KAZN: variants seen among roughly 807,000 people sequenced by gnomAD.
The protein encoded by KAZN is kazrin, periplakin interacting protein, also known as kazrin.
In KAZN, 40 loss-of-function variants were observed where a neutral mutation model predicts 87.4. The ratio of observed to expected loss-of-function variants is 0.46; its 90% CI spans 0.36 to 0.60. The LOEUF is 0.60. Ranked by LOEUF, KAZN falls within the 20% of genes least tolerant of loss-of-function variation. The probability of loss-of-function intolerance (pLI) is 0.00; values close to 1 mark genes in which losing one functional copy is unlikely to be tolerated. For synonymous variants in KAZN, 466 were observed against 458.3 expected, an observed-to-expected ratio of 1.02 and a Z score of -0.22; for missense variants, 898 against 1,073.9, an observed-to-expected ratio of 0.84 and a Z score of 2.29.
At chr1:14,128,470 G>A (rs527427682) in intron 1 of KAZN, among the ~76,000 whole-genome samples, 1 of 152,146 alleles carries the variant, frequency 6.6e-6, no homozygotes, top group Non-Finnish European at 1.5e-5. Context: ...GCAGAGGGGT[G>A]GTTGCTCCTG....
intron 1 of KAZN, among the ~76,000 whole-genome samples, chr1:14,802,517 G>A (rs1312987347): frequency 6.6e-6 from 1 of 152,036 alleles, no homozygotes; most frequent in Non-Finnish European, 1.5e-5. Flanking sequence ...AGTGAGATCT[G>A]GTCAGTGGAG....
At chr1:14,612,408 A>T (rs1677894553) in intron 1 of KAZN, among the ~76,000 whole-genome samples, 1 of 152,218 alleles carries the variant, frequency 6.6e-6, no homozygotes, top group Admixed American at 6.5e-5. Context: ...GCAGGGCGGG[A>T]CACTTGACAT....
At chr1:14,680,925 G>T (rs1362607464) in intron 1 of KAZN, among the ~76,000 whole-genome samples, 1 of 152,208 alleles carries the variant, frequency 6.6e-6, no homozygotes, top group East Asian at 1.9e-4. Context: ...GAAGCATGGT[G>T]CTGGCGTGCT....
At chr1:15,080,594 G>A (rs1359296956) in intron 8 of KAZN, among the ~76,000 whole-genome samples, 2 of 152,218 alleles carry the variant, frequency 1.3e-5, no homozygotes, top group Non-Finnish European at 2.9e-5. Context: ...TGTGACTGAG[G>A]GATCAGCAAA....
At chr1:14,045,202 C>A (rs1642013950) in intron 1 of KAZN, among the ~76,000 whole-genome samples, 1 of 152,110 alleles carries the variant, frequency 6.6e-6, no homozygotes, top group Admixed American at 6.5e-5. Context: ...AAAATCAGGA[C>A]CCAAATGAAA....
chr1:14,034,744 T>C (rs919893657), intron 1 of KAZN, among the ~76,000 whole-genome samples: 4 of 152,212 alleles, frequency 2.6e-5, no homozygotes, highest in Non-Finnish European at 5.9e-5. Flanking sequence ...ACTTAGTGCC[T>C]GATCAGAATG....
At chr1:15,067,072 G>A (rs915537238) in intron 8 of KAZN, 8 of 985,648 alleles carry the variant, frequency 8.1e-6, no homozygotes, top group South Asian at 9.4e-5. Flanking sequence ...TCTGTTCTCC[G>A]AGGGGCCTCC....
intron 2 of KAZN, among the ~76,000 whole-genome samples, chr1:14,325,319 C>G (rs1330827342): frequency 6.6e-6 from 1 of 152,164 alleles, no homozygotes; most frequent in Non-Finnish European, 1.5e-5. Context: ...GTATTTGATG[C>G]TAACTTGAAA....
intron 1 of KAZN, among the ~76,000 whole-genome samples, chr1:14,704,073 T>A (rs577469341): frequency 6.6e-6 from 1 of 152,154 alleles, no homozygotes; most frequent in African/African-American, 2.4e-5. Flanking sequence ...AAGAAAGTAG[T>A]AGGCTATGAA....
chr1:14,746,625 G>A (rs557940286), intron 1 of KAZN, among the ~76,000 whole-genome samples: 6 of 152,222 alleles, frequency 3.9e-5, no homozygotes, highest in Admixed American at 3.3e-4. Flanking sequence ...CCAGGGAGAA[G>A]CTGGAGTTGG....
At chr1:14,891,045 C>T (rs1391086676) in intron 1 of KAZN, among the ~76,000 whole-genome samples, 1 of 150,224 alleles carries the variant, frequency 6.7e-6, no homozygotes, top group Non-Finnish European at 1.5e-5. Flanking sequence ...GGAGTTTCAC[C>T]GTGTTAGCCA....
chr1:14,302,588 G>A (rs1654629924), intron 2 of KAZN, among the ~76,000 whole-genome samples: 1 of 152,178 alleles, frequency 6.6e-6, no homozygotes, highest in African/African-American at 2.4e-5. Flanking sequence ...GAATGTGTTA[G>A]CTGATCATTT....
intron 2 of KAZN, among the ~76,000 whole-genome samples, chr1:14,227,792 C>T (rs1338309356): frequency 6.6e-6 from 1 of 152,210 alleles, no homozygotes; most frequent in Non-Finnish European, 1.5e-5. Context: ...ATGAATTACA[C>T]AGTAGCTACC....
intron 2 of KAZN, among the ~76,000 whole-genome samples, chr1:14,990,047 C>T (rs903509313): frequency 3.3e-5 from 5 of 152,022 alleles, no homozygotes; most frequent in Non-Finnish European, 1.5e-5. Context: ...AACCTGAGGC[C>T]GAGAGATATT....
intron 1 of KAZN, among the ~76,000 whole-genome samples, chr1:14,865,746 T>A (rs929013116): frequency 2.0e-5 from 3 of 152,176 alleles, no homozygotes; most frequent in African/African-American, 7.2e-5. Flanking sequence ...ACAAGATCTC[T>A]GTGGTTATAA....
At chr1:14,341,880 G>A (rs554859328) in intron 2 of KAZN, among the ~76,000 whole-genome samples, 179 of 152,228 alleles carry the variant, frequency 1.2e-3, no homozygotes, top group Middle Eastern at 3.4e-3. Context: ...TTGTTACATA[G>A]GTAAATTTGT....
rs137998824 is a variant in KAZN at position 14,457,579 on chromosome 1, T to C, written c.250-141404T>C. 8.3e-4 allele frequency among the ~76,000 whole-genome samples: 127 copies of C among 152,264 alleles called. 1 individual carries two copies. The East Asian group carries it at 0.022, about 27-fold the overall frequency. ...CATTGTTCTTGTACCTTACAGCTTT[T>C]ATTATTTATTATAGTACATTTTAAA... On this transcript the variant is annotated intron_variant, in intron 2 of 16. Coordinates refer to the KAZN transcript ENST00000636203.
At chr1:14,387,190 T>C (rs1661989936) in intron 2 of KAZN, among the ~76,000 whole-genome samples, 1 of 152,188 alleles carries the variant, frequency 6.6e-6, no homozygotes, top group Non-Finnish European at 1.5e-5. Context: ...TTCTCTGTAT[T>C]GGTTATTCTA....
intron 2 of KAZN, among the ~76,000 whole-genome samples, chr1:14,260,488 G>A (rs1650927764): frequency 6.6e-6 from 1 of 152,168 alleles, no homozygotes; most frequent in African/African-American, 2.4e-5. Context: ...AGCAGGGTGA[G>A]CCCATGGGGA....
Sources: allele counts gnomAD v4.1 joint callset (sites outside exome capture counted in the v4.1 genomes callset), GRCh38; gene constraint gnomAD v4.1.1; transcripts MANE v1.5; gene names NCBI Gene and HGNC (gene_info 2026-07-23, HGNC 2026-07-21).